Variants in ST18 observed in about 807,000 individuals in gnomAD.
ST18 encodes the protein ST18 C2H2C-type zinc finger transcription factor.
A neutral mutation model predicts 110.0 loss-of-function variants in ST18; 50 were observed. The observed-to-expected ratio is 0.45, with a 90% CI of 0.36 to 0.58. The LOEUF is 0.58. Ranked by LOEUF, ST18 falls within the 20% of genes least tolerant of loss-of-function variation. The probability of loss-of-function intolerance (pLI) is 0.00; values close to 1 mark genes in which losing one functional copy is unlikely to be tolerated. For missense variants in ST18, 1,306 were observed against 1,280.1 expected, an observed-to-expected ratio of 1.02 and a Z score of -0.31; for synonymous variants, 461 against 452.4, an observed-to-expected ratio of 1.02 and a Z score of -0.24.
At chr8:52,307,817 T>C (rs1344057791) in intron 2 of ST18, among the ~76,000 whole-genome samples, 2 of 152,206 alleles carry the variant, frequency 1.3e-5, no homozygotes, top group Admixed American at 1.3e-4. Flanking sequence ...ATGACTCACT[T>C]AATGGCTGCA....
At chr8:52,358,511 G>A (rs113004858) in intron 2 of ST18, among the ~76,000 whole-genome samples, 2,944 of 151,916 alleles carry the variant, frequency 0.019, 101 homozygotes, top group African/African-American at 0.067. Context: ...AATAAAAGTG[G>A]AACTATTGCT....
intron 2 of ST18, among the ~76,000 whole-genome samples, chr8:52,310,529 G>C (rs567488702): frequency 6.6e-6 from 1 of 152,248 alleles, no homozygotes; most frequent in South Asian, 2.1e-4. Flanking sequence ...GGAGTTGTTT[G>C]TGTTATTCTG....
chr8:52,370,598 A>ACAGAT (rs1191227899), intron 2 of ST18, among the ~76,000 whole-genome samples: 1 of 152,200 alleles, frequency 6.6e-6, no homozygotes, highest in African/African-American at 2.4e-5. Flanking sequence ...CTACAAGTAT[A>ACAGAT]CAGATTTTGA....
intron 8 of ST18, chr8:52,210,183 C>T (rs1467915029): frequency 1.8e-5 from 8 of 455,832 alleles, no homozygotes; most frequent in Non-Finnish European, 2.6e-5. Flanking sequence ...AGCACTGGGT[C>T]ATTTTAAACT....
intron 2 of ST18, among the ~76,000 whole-genome samples, chr8:52,258,437 CT>C (rs2094588111): frequency 6.6e-6 from 1 of 152,164 alleles, no homozygotes; most frequent in Non-Finnish European, 1.5e-5. Flanking sequence ...TATTTTGACT[CT>C]TAAAAATTTC....
At chr8:52,340,680 C>T (rs190926466) in intron 2 of ST18, among the ~76,000 whole-genome samples, 145 of 152,250 alleles carry the variant, frequency 9.5e-4, no homozygotes, top group African/African-American at 3.4e-3. Flanking sequence ...TGCCACTCAC[C>T]CCACAGAACT....
rs533547140 is a variant in ST18 at position 52,159,181 on chromosome 8, A to T, written c.1595-72T>A. 312 of 1,385,146 alleles carry T rather than the reference A, an allele frequency of 2.3e-4. 1 individual carries two copies. The African/African-American group carries it at 4.0e-3, about 18-fold the overall frequency. 85.8% of individuals were successfully genotyped at this position (1,385,146 alleles called of 1,614,324 possible). Reference sequence around the variant, plus strand: ...TCATTAAACAGATTTGTTTTTTTTAAAAATGTAACTTCTTGCATTAAAATA... The same window carrying T: ...TCATTAAACAGATTTGTTTTTTTTATAAATGTAACTTCTTGCATTAAAATA... On this transcript the variant is annotated intron_variant, in intron 14 of 25. Coordinates refer to ENST00000689386, the MANE Select transcript of ST18 (RefSeq NM_001352837.2).
intron 2 of ST18, among the ~76,000 whole-genome samples, chr8:52,331,260 G>A (rs1253769061): frequency 6.6e-6 from 1 of 151,852 alleles, no homozygotes; most frequent in Non-Finnish European, 1.5e-5. Context: ...AAACAAATAT[G>A]TGTTCATATC....
At chr8:52,206,615 G>T (rs952442578) in intron 8 of ST18, 3 of 152,232 alleles carry the variant, frequency 2.0e-5, no homozygotes, top group Non-Finnish European at 4.4e-5. Flanking sequence ...ACCCTGGAGG[G>T]ACACTTCTCT....
chr8:52,379,334 G>A (rs1474764907), intron 2 of ST18, among the ~76,000 whole-genome samples: 1 of 151,048 alleles, frequency 6.6e-6, no homozygotes, highest in Non-Finnish European at 1.5e-5. Flanking sequence ...CTGACCTCAA[G>A]TGAACCACCT....
intron 23 of ST18, chr8:52,125,774 G>A (rs1219648337): frequency 1.7e-5 from 6 of 359,942 alleles, no homozygotes; most frequent in Non-Finnish European, 2.5e-5. Context: ...ACAGGCGTGA[G>A]CCAGCATGCC....
chr8:52,198,300 C>T (rs897600811), intron 8 of ST18, among the ~76,000 whole-genome samples: 3 of 152,160 alleles, frequency 2.0e-5, no homozygotes, highest in African/African-American at 4.8e-5. Context: ...CCACTGCGCC[C>T]GGCCGTGGCT....
At chr8:52,151,188 A>G (rs1289912238) in intron 15 of ST18, among the ~76,000 whole-genome samples, 1 of 152,024 alleles carries the variant, frequency 6.6e-6, no homozygotes, top group Non-Finnish European at 1.5e-5. Flanking sequence ...TTCCCTTTAA[A>G]CAACCCCCCA....
At chr8:52,330,477 A>C (rs574055696) in intron 2 of ST18, among the ~76,000 whole-genome samples, 1 of 152,374 alleles carries the variant, frequency 6.6e-6, no homozygotes, top group African/African-American at 2.4e-5. Context: ...GTCCCTTTTC[A>C]AAGAGTAGCT....
At chr8:52,198,661 T>C (rs2076953589) in intron 8 of ST18, among the ~76,000 whole-genome samples, 1 of 152,222 alleles carries the variant, frequency 6.6e-6, no homozygotes, top group Non-Finnish European at 1.5e-5. Flanking sequence ...TGTATATAAA[T>C]GTATGTGTAA....
chr8:52,401,588 G>T (rs1842823622), intron 2 of ST18, among the ~76,000 whole-genome samples: 1 of 151,666 alleles, frequency 6.6e-6, no homozygotes, highest in Non-Finnish European at 1.5e-5. Flanking sequence ...GATCTAGTCT[G>T]CTGTTGAAGC....
At chr8:52,403,617 C>T (rs1328340674) in intron 2 of ST18, 1 of 152,188 alleles carries the variant, frequency 6.6e-6, no homozygotes, top group Non-Finnish European at 1.5e-5. Context: ...CTGTATGAGC[C>T]CATACTTAGT....
chr8:52,355,776 T>A (rs1822447663), intron 2 of ST18, among the ~76,000 whole-genome samples: 1 of 152,156 alleles, frequency 6.6e-6, no homozygotes, highest in Admixed American at 6.5e-5. Context: ...GTTTCTAGTT[T>A]TAAATGGAGC....
At position 52,133,052 on chromosome 8, in the gene ST18, C is replaced by T. The variant is rs747203743; in HGVS notation, c.2444+5G>A. 4 of 1,614,028 alleles carry T rather than the reference C, an allele frequency of 2.5e-6. No homozygotes were observed. The African/African-American group carries it at 4.0e-5, about 16-fold the overall frequency. ...TGACCCCCATGTCTCAACTGTTGCACTTACTTCAGTTCAGGGTCTTCTTTT... is the reference window on the plus strand; with the variant it reads ...TGACCCCCATGTCTCAACTGTTGCATTTACTTCAGTTCAGGGTCTTCTTTT... On this transcript the variant is annotated splice_donor_5th_base_variant and intron_variant, in intron 21 of 25. Transcript: ENST00000689386.
Sources: allele counts gnomAD v4.1 joint callset (sites outside exome capture counted in the v4.1 genomes callset), GRCh38; gene constraint gnomAD v4.1.1; transcripts MANE v1.5; gene names NCBI Gene and HGNC (gene_info 2026-07-23, HGNC 2026-07-21).